Variants in PAG1 observed in about 807,000 individuals in gnomAD.
PAG1 encodes the protein phosphoprotein associated with glycosphingolipid-enriched microdomains 1.
In PAG1, 23 loss-of-function variants were observed where a neutral mutation model predicts 31.7. The ratio of observed to expected loss-of-function variants is 0.73; its 90% CI spans 0.52 to 1.03. The LOEUF (loss-of-function observed/expected upper bound fraction) is 1.03. Among genes scored for constraint, PAG1 ranks in the 50% least tolerant of loss-of-function variants. The pLI is 0.00. For synonymous variants in PAG1, 214 were observed against 210.3 expected (o/e 1.02, Z -0.15); for missense variants, 473 against 540.7 (o/e 0.87, Z 1.24).
Position 80,968,709 on chromosome 8 carries a change from C to G in PAG1, c.*7835G>C, listed in dbSNP as rs1035335039. On this transcript the variant is annotated 3_prime_UTR_variant, in exon 9 of 9. Transcript: ENST00000220597. Reference sequence around the variant, plus strand: ...GAAAAAATGCTTCTAGTCACCTACTCAATTATAGCTCTAGTAGCCATATTA... The same window carrying G: ...GAAAAAATGCTTCTAGTCACCTACTGAATTATAGCTCTAGTAGCCATATTA... 6.6e-6 allele frequency: 1 copy of G among 152,142 alleles called. No individual in the cohort carries two copies. Among genetic ancestry groups the G allele is most frequent in the Non-Finnish European group, 1.5e-5 (1 of 68,032 alleles). 9.4% of individuals were successfully genotyped at this position (152,142 alleles called of 1,614,324 possible).
chr8:81,031,543 G>T (rs1174398639), intron 2 of PAG1, among the ~76,000 whole-genome samples: 1 of 152,194 alleles, frequency 6.6e-6, no homozygotes, highest in Non-Finnish European at 1.5e-5. Flanking sequence ...TCCTGAATTA[G>T]CCAGAAATAT....
At chr8:81,057,420 G>C (rs1048536618) in intron 2 of PAG1, among the ~76,000 whole-genome samples, 2 of 152,036 alleles carry the variant, frequency 1.3e-5, no homozygotes, top group African/African-American at 2.4e-5. Flanking sequence ...GTCCTTCATA[G>C]GGACATGGAT....
intron 3 of PAG1, among the ~76,000 whole-genome samples, chr8:81,023,123 T>C (rs369918301): frequency 6.6e-5 from 10 of 152,286 alleles, no homozygotes; most frequent in African/African-American, 2.4e-4. Context: ...TTAAGTAAAA[T>C]TACTTGATTT....
intron 3 of PAG1, among the ~76,000 whole-genome samples, chr8:81,023,495 A>G (rs1808222360): frequency 6.6e-6 from 1 of 152,140 alleles, no homozygotes; most frequent in African/African-American, 2.4e-5. Flanking sequence ...GAGACAAGAT[A>G]AAGCTTTAGG....
intron 2 of PAG1, among the ~76,000 whole-genome samples, chr8:81,058,201 T>C (rs1316455585): frequency 6.6e-6 from 1 of 152,172 alleles, no homozygotes; most frequent in Non-Finnish European, 1.5e-5. Context: ...AACCATAATC[T>C]ACCATGGACC....
intron 5 of PAG1, among the ~76,000 whole-genome samples, chr8:80,989,896 AGG>A (rs1427867763): frequency 2.0e-5 from 3 of 152,196 alleles, no homozygotes; most frequent in Non-Finnish European, 4.4e-5. Flanking sequence ...CTGCTCTAGA[AGG>A]AAGTGAGGAA....
intron 2 of PAG1, among the ~76,000 whole-genome samples, chr8:81,068,908 C>T (rs1035218154): frequency 6.6e-6 from 1 of 152,172 alleles, no homozygotes; most frequent in African/African-American, 2.4e-5. Flanking sequence ...CCGGAAAATG[C>T]TCTACATTTC....
intron 3 of PAG1, among the ~76,000 whole-genome samples, chr8:80,993,995 C>T (rs1308597358): frequency 3.3e-5 from 5 of 151,556 alleles, no homozygotes; most frequent in African/African-American, 4.9e-5. Context: ...AAAATCAGAA[C>T]AGTATATAAC....
chr8:81,079,111 A>G (rs1283396614), intron 1 of PAG1, among the ~76,000 whole-genome samples: 1 of 152,060 alleles, frequency 6.6e-6, no homozygotes, highest in Non-Finnish European at 1.5e-5. Flanking sequence ...TAGCAACCAG[A>G]GGTCAGACAG....
At chr8:80,982,549 C>A (rs1305665311) in intron 7 of PAG1, among the ~76,000 whole-genome samples, 1 of 152,220 alleles carries the variant, frequency 6.6e-6, no homozygotes, top group African/African-American at 2.4e-5. Flanking sequence ...TTTAAAACCA[C>A]ATTCTGTGGA....
At chr8:81,018,810 A>G (rs757259783) in intron 3 of PAG1, among the ~76,000 whole-genome samples, 1 of 152,220 alleles carries the variant, frequency 6.6e-6, no homozygotes, top group Non-Finnish European at 1.5e-5. Flanking sequence ...AGACTAATAC[A>G]GTAAATTGGG....
intron 3 of PAG1, among the ~76,000 whole-genome samples, chr8:81,000,483 C>T (rs571542105): frequency 2.6e-5 from 4 of 152,146 alleles, no homozygotes; most frequent in African/African-American, 4.8e-5. Context: ...GGCGTGATCT[C>T]GGCTCATGAC....
intron 2 of PAG1, among the ~76,000 whole-genome samples, chr8:81,037,709 C>T (rs1232313696): frequency 1.3e-5 from 2 of 152,176 alleles, no homozygotes; most frequent in South Asian, 2.1e-4. Flanking sequence ...GAATTTAAAA[C>T]ATCTTCTTTT....
rs1010311912 is a variant in PAG1 at position 80,974,254 on chromosome 8, G to C, written c.*2290C>G. The C allele has an allele frequency of 6.7e-6, 1 of 149,166 alleles. No homozygotes were observed. The highest frequency in any genetic ancestry group is 1.5e-5 in the Non-Finnish European group (1 of 67,734). The allele number at this position is 149,166 out of a possible 1,614,324, so 9.2% of individuals were successfully genotyped here. On this transcript the variant is annotated 3_prime_UTR_variant, in exon 9 of 9. Coordinates refer to ENST00000220597, the MANE Select transcript of PAG1 (RefSeq NM_018440.4). ...AAACAAAAGTTTTGAGCTGTAAGGT[G>C]CCTATAAAGGATGTCACTACAGCAT... is the stretch of plus-strand genomic sequence containing the variant.
chr8:81,021,518 ATG>A (rs59502689), intron 3 of PAG1, among the ~76,000 whole-genome samples: 75,141 of 139,364 alleles, frequency 0.54, 20,960 homozygotes, highest in Admixed American at 0.64. Flanking sequence ...GTGTGTGTGC[ATG>A]TGTGTGTGTG....
chr8:81,085,075 T>G (rs1352428320), intron 1 of PAG1, among the ~76,000 whole-genome samples: 3 of 152,198 alleles, frequency 2.0e-5, no homozygotes, highest in Non-Finnish European at 4.4e-5. Context: ...TAGGAGTAGC[T>G]CTGAGTTAAG....
chr8:81,040,106 G>C (rs574637368), intron 2 of PAG1, among the ~76,000 whole-genome samples: 69 of 152,148 alleles, frequency 4.5e-4, no homozygotes, highest in African/African-American at 1.3e-3. Flanking sequence ...TCTTTGAAAA[G>C]TCACTCAAAA....
chr8:81,055,571 G>C (rs952492534), intron 2 of PAG1, among the ~76,000 whole-genome samples: 11 of 152,126 alleles, frequency 7.2e-5, no homozygotes, highest in Admixed American at 7.2e-4. Flanking sequence ...TCACGATATT[G>C]ATTCTTCCTA....
chr8:81,110,412 C>T (rs1371484511), intron 1 of PAG1, among the ~76,000 whole-genome samples: 2 of 152,138 alleles, frequency 1.3e-5, no homozygotes, highest in Non-Finnish European at 2.9e-5. Flanking sequence ...TTAACCAACT[C>T]AGGTATTAAA....
Sources: allele counts gnomAD v4.1 joint callset (sites outside exome capture counted in the v4.1 genomes callset), GRCh38; gene constraint gnomAD v4.1.1; transcripts MANE v1.5; gene names NCBI Gene and HGNC (gene_info 2026-07-23, HGNC 2026-07-21).